Variants in AKAP14 observed in about 807,000 individuals in gnomAD.
AKAP14 encodes the protein A-kinase anchoring protein 14.
In AKAP14, 4 loss-of-function variants were observed where a neutral mutation model predicts 17.0. The observed-to-expected ratio is 0.23, with a 90% CI of 0.12 to 0.54. The LOEUF (loss-of-function observed/expected upper bound fraction) is 0.54. Ranked by LOEUF, AKAP14 falls within the 20% of genes least tolerant of loss-of-function variation. The pLI is 0.95. For missense variants in AKAP14, 129 were observed against 150.9 expected (o/e 0.85, Z 0.76); for synonymous variants, 42 against 51.3 (o/e 0.82, Z 0.77).
At chrX:119,911,845 G>A (rs1390841526) in intron 4 of AKAP14, among the ~76,000 whole-genome samples, 1 of 105,783 alleles carries the variant, frequency 9.5e-6, no homozygotes, top group Admixed American at 1.0e-4. Context: ...ATTACACCAC[G>A]CCTGGCCATT....
chrX:119,905,563 C>G (rs2056592830), intron 4 of AKAP14, among the ~76,000 whole-genome samples: 1 of 111,060 alleles, frequency 9.0e-6, no homozygotes, highest in Non-Finnish European at 1.9e-5. Flanking sequence ...TCTGAGTTCC[C>G]TTTCCCCTCC....
rs1569470116 is a variant in AKAP14, at chrX:119,914,800, C to T, written c.363C>T (p.Ile121=). 10 of 1,210,907 alleles carry T rather than the reference C, an allele frequency of 8.3e-6. No homozygotes were observed. The highest frequency in any genetic ancestry group is 1.1e-5 in the Non-Finnish European group (10 of 894,758). ...ACATCTACTATGTACACTGGAGTAT[C>T]TCAACTGCTGACCTACCCGTAGCAC... ...FLYIYYVHWS[I]STADLPVARI... is the part of the protein sequence containing the mutation. The change falls in exon 5 of 7, where the codon ATC becomes ATT. Residue 121 remains isoleucine (I), a synonymous_variant. Transcript: ENST00000371431.
chrX:119,903,767 G>A, intron 4 of AKAP14, 181 bp downstream of exon 4: 2 of 818,963 alleles, frequency 2.4e-6, no homozygotes, highest in Non-Finnish European at 3.4e-6. Context: ...GTCTTTGAAG[G>A]TGAAATGCAC....
rs199987083 is a variant in AKAP14 at position 119,920,593 on chromosome X, T to C, written c.580T>C (p.Phe194Leu). 3.3e-6 allele frequency: 4 copies of C among 1,197,498 alleles called. No homozygotes were observed. In the Admixed American group the frequency reaches 6.6e-5, roughly 20 times the overall value. Residue 194 changes from phenylalanine to leucine, a missense_variant, in exon 7 of 7, where the codon TTC (phenylalanine) becomes CTC (leucine). By Grantham distance (22) the Phe-to-Leu change is conservative. Transcript: ENST00000371431. ...YSFMESFPFL[F>L]NRV is the part of the protein sequence containing the mutation. ...TTTCATGGAGTCATTCCCCTTCTTATTCAATCGTGTCTGATACTTACAGGA... is the reference window on the plus strand; with the variant it reads ...TTTCATGGAGTCATTCCCCTTCTTACTCAATCGTGTCTGATACTTACAGGA...
chrX:119,918,859 T>C (rs1338832321), intron 5 of AKAP14, among the ~76,000 whole-genome samples: 1 of 112,182 alleles, frequency 8.9e-6, no homozygotes, highest in Admixed American at 9.6e-5. Context: ...CCAAAAGTTA[T>C]TTGCACCTTG....
intron 5 of AKAP14, among the ~76,000 whole-genome samples, chrX:119,916,181 C>T (rs1430153246): frequency 1.9e-5 from 2 of 105,553 alleles, no homozygotes; most frequent in African/African-American, 3.4e-5. Context: ...ACTTCTCTCT[C>T]TTTTTTTTTT....
intron 4 of AKAP14, among the ~76,000 whole-genome samples, chrX:119,904,154 C>T (rs1337703709): frequency 5.4e-5 from 6 of 110,760 alleles, no homozygotes; most frequent in Non-Finnish European, 9.5e-5. Flanking sequence ...CTCAGGTTGG[C>T]CTCGAACTCC....
chrX:119,913,682 A>G (rs930258260), intron 4 of AKAP14, among the ~76,000 whole-genome samples: 1 of 111,789 alleles, frequency 8.9e-6, no homozygotes, highest in Admixed American at 9.6e-5. Context: ...AGGCTGAGGC[A>G]GGAGAATCGC....
intron 2 of AKAP14, among the ~76,000 whole-genome samples, 187 bp downstream of exon 2, chrX:119,896,454 G>GGGGGA (rs1174020559): frequency 2.1e-5 from 2 of 96,938 alleles, no homozygotes; most frequent in East Asian, 6.5e-4. Flanking sequence ...GGGAGAGGGA[G>GGGGGA]GGGGAGGGGA....
chrX:119,900,062 G>A (rs1286188591), intron 2 of AKAP14, among the ~76,000 whole-genome samples: 6 of 110,568 alleles, frequency 5.4e-5, no homozygotes, highest in African/African-American at 2.0e-4. Flanking sequence ...ACGAGTAGCT[G>A]GGATTACAGG....
At chrX:119,910,975 T>C (rs2056624441) in intron 4 of AKAP14, among the ~76,000 whole-genome samples, 1 of 108,205 alleles carries the variant, frequency 9.2e-6, no homozygotes, top group South Asian at 4.2e-4. Context: ...TTCTTCTAAT[T>C]TTAAAAGAAA....
chrX:119,919,305 G>C (rs918894854), intron 5 of AKAP14, among the ~76,000 whole-genome samples: 1 of 112,247 alleles, frequency 8.9e-6, no homozygotes, highest in Non-Finnish European at 1.9e-5. Context: ...TGTCAGTTGA[G>C]TAAAGTGGAG....
intron 5 of AKAP14, among the ~76,000 whole-genome samples, chrX:119,919,548 T>C (rs1238270901): frequency 8.9e-6 from 1 of 112,303 alleles, no homozygotes; most frequent in African/African-American, 3.2e-5. Flanking sequence ...AGTAAGGAAT[T>C]AAGTTTGTAC....
chrX:119,905,152 A>G (rs2056590581), intron 4 of AKAP14, among the ~76,000 whole-genome samples: 1 of 111,779 alleles, frequency 8.9e-6, no homozygotes, highest in African/African-American at 3.2e-5. Flanking sequence ...GAAAAGTTCC[A>G]GCTCTCTCTG....
At chrX:119,914,067 T>G (rs1036944913) in intron 4 of AKAP14, among the ~76,000 whole-genome samples, 3 of 108,459 alleles carry the variant, frequency 2.8e-5, no homozygotes, top group Non-Finnish European at 5.7e-5. Flanking sequence ...AAACGCCGTC[T>G]CTACTAAAAA....
At chrX:119,914,675 C>CT (rs1315739451) in intron 4 of AKAP14, 24 bp from the exon 5 acceptor site, 1 of 1,185,430 alleles carries the variant, frequency 8.4e-7, no homozygotes, top group South Asian at 1.9e-5. Context: ...TTTCTGTGTG[C>CT]TTTTTCTTTT....
chrX:119,898,397 T>C (rs1490118126), intron 2 of AKAP14, among the ~76,000 whole-genome samples: 1 of 112,548 alleles, frequency 8.9e-6, no homozygotes, highest in African/African-American at 3.2e-5. Flanking sequence ...GTTCAAAGGC[T>C]GTCCCAGTGG....
chrX:119,917,351 T>A (rs975155897), intron 5 of AKAP14, among the ~76,000 whole-genome samples: 1 of 110,914 alleles, frequency 9.0e-6, no homozygotes, highest in African/African-American at 3.3e-5. Flanking sequence ...CGGTGGCTCA[T>A]GCCTGTAATC....
At chrX:119,916,792 C>G (rs1314313378) in intron 5 of AKAP14, among the ~76,000 whole-genome samples, 3 of 99,476 alleles carry the variant, frequency 3.0e-5, no homozygotes, top group African/African-American at 1.1e-4. Flanking sequence ...TGAGCCACCG[C>G]GCCTGGCCCA....
Sources: gnomAD v4.1 joint callset for allele counts (sites outside exome capture counted in the v4.1 genomes callset) on GRCh38, gnomAD v4.1.1 for gene constraint, MANE v1.5 for transcripts, NCBI Gene and HGNC (gene_info 2026-07-23, HGNC 2026-07-21) for gene names.